Variants in WASL observed in about 807,000 individuals in gnomAD.
WASL encodes WASP like actin nucleation promoting factor, also known as actin nucleation-promoting factor WASL.
A neutral mutation model predicts 55.5 loss-of-function variants in WASL; 20 were observed. That is an observed-to-expected ratio of 0.36 (90% confidence interval 0.25 to 0.52). The LOEUF is 0.52. WASL is among the 20% of genes least tolerant of loss of function. WASL has a pLI of 0.92. For missense variants in WASL, 504 were observed against 622.5 expected (o/e 0.81, Z 2.03); for synonymous variants, 249 against 217.6 (o/e 1.14, Z -1.27).
intron 1 of WASL, among the ~76,000 whole-genome samples, chr7:123,711,061 A>G (rs1803747002): frequency 6.6e-6 from 1 of 152,182 alleles, no homozygotes. Context: ...AGGAAACTAG[A>G]TGTACCAAAA....
intron 9 of WASL, 71 bp downstream of exon 9, chr7:123,692,276 C>G: frequency 6.6e-7 from 1 of 1,520,024 alleles, no homozygotes; most frequent in South Asian, 1.3e-5. Context: ...TCAAAAATAT[C>G]TTTCAATAAA....
At chr7:123,729,015 A>G (rs190562224) in intron 1 of WASL, among the ~76,000 whole-genome samples, 222 of 152,336 alleles carry the variant, frequency 1.5e-3, no homozygotes, top group Non-Finnish European at 2.4e-3. Flanking sequence ...AAAAATGTTA[A>G]TAAGTGTTAT....
chr7:123,684,711 A>G (rs1331099972), intron 10 of WASL, 131 bp from the exon 11 acceptor site: 5 of 831,184 alleles, frequency 6.0e-6, no homozygotes, highest in Non-Finnish European at 8.1e-6. Flanking sequence ...CTAGTTACTA[A>G]AACAGTTTAA....
At chr7:123,690,688 CTT>C (rs993166137) in intron 9 of WASL, among the ~76,000 whole-genome samples, 1 of 133,948 alleles carries the variant, frequency 7.5e-6, no homozygotes, top group African/African-American at 2.7e-5. Flanking sequence ...AAATTTAACT[CTT>C]AAACTTTTTA....
chr7:123,731,820 A>C (rs536710608), intron 1 of WASL, among the ~76,000 whole-genome samples: 2 of 152,328 alleles, frequency 1.3e-5, no homozygotes, highest in South Asian at 4.1e-4. Flanking sequence ...AAAGGATTTA[A>C]AATCAATAAC....
chr7:123,732,142 A>G (rs909103244), intron 1 of WASL, among the ~76,000 whole-genome samples: 7 of 152,270 alleles, frequency 4.6e-5, no homozygotes, highest in Non-Finnish European at 1.0e-4. Flanking sequence ...CCTGGCTAAC[A>G]TGGTGAAACC....
chr7:123,696,799 A>G, intron 5 of WASL, 52 bp from the exon 6 acceptor site: 1 of 1,200,030 alleles, frequency 8.3e-7, no homozygotes, highest in Non-Finnish European at 1.1e-6. Flanking sequence ...GATAACTGAT[A>G]TACAATCATA....
At chr7:123,691,193 A>C (rs572227520) in intron 9 of WASL, among the ~76,000 whole-genome samples, 61 of 152,326 alleles carry the variant, frequency 4.0e-4, no homozygotes, top group African/African-American at 1.3e-3. Context: ...CTATACTGGG[A>C]AATAATTTTC....
intron 1 of WASL, among the ~76,000 whole-genome samples, chr7:123,710,233 C>T (rs933849558): frequency 1.3e-5 from 2 of 151,350 alleles, no homozygotes; most frequent in Admixed American, 6.6e-5. Flanking sequence ...CACTTCTAAA[C>T]TAGAAATTAA....
intron 1 of WASL, among the ~76,000 whole-genome samples, chr7:123,738,605 A>G (rs955624205): frequency 3.3e-5 from 5 of 152,332 alleles, no homozygotes; most frequent in African/African-American, 1.2e-4. Flanking sequence ...CCTTGGAATG[A>G]CAACTAGATT....
chr7:123,718,567 AT>A (rs113577026), intron 1 of WASL, among the ~76,000 whole-genome samples: 6 of 151,430 alleles, frequency 4.0e-5, no homozygotes, highest in Admixed American at 6.6e-5. Context: ...TTCATATAAC[AT>A]TTTTTTTTAA....
At chr7:123,710,620 T>C (rs1345337791) in intron 1 of WASL, among the ~76,000 whole-genome samples, 1 of 152,220 alleles carries the variant, frequency 6.6e-6, no homozygotes, top group Admixed American at 6.5e-5. Context: ...TGTTCAATGT[T>C]ATGTTTTTAA....
intron 9 of WASL, among the ~76,000 whole-genome samples, chr7:123,691,139 C>T (rs934604656): frequency 2.0e-5 from 3 of 152,184 alleles, no homozygotes; most frequent in Non-Finnish European, 4.4e-5. Flanking sequence ...CTATTACCCT[C>T]CTTTTAGACA....
chr7:123,707,206 A>G (rs1432336140), intron 2 of WASL, among the ~76,000 whole-genome samples: 1 of 152,202 alleles, frequency 6.6e-6, no homozygotes, highest in Non-Finnish European at 1.5e-5. Flanking sequence ...ACCAAAGCAC[A>G]GTTCCACCAG....
Position 123,683,468 on chromosome 7 carries a change from A to C in WASL, c.*1051T>G, listed in dbSNP as rs1178293443. 1 of 151,938 alleles carries C rather than the reference A, an allele frequency of 6.6e-6. No individual in the cohort carries two copies. The highest frequency in any genetic ancestry group is 1.9e-4 in the East Asian group (1 of 5,184). The allele number at this position is 151,938 out of a possible 1,614,324, so 9.4% of individuals were successfully genotyped here. A position where few individuals can be genotyped will look rare whatever the true frequency, so the allele number is the denominator to read the frequency against. The stretch of plus-strand genomic sequence containing the variant: ...AGAAAAATGTAACTCTTCACATGCT[A>C]TTTGACAAAAACCCTCAAAAGTTAT... On this transcript the variant is annotated 3_prime_UTR_variant, in exon 11 of 11. Coordinates refer to ENST00000223023, the MANE Select transcript of WASL (RefSeq NM_003941.4).
chr7:123,718,502 C>T (rs1313514266), intron 1 of WASL, among the ~76,000 whole-genome samples: 1 of 152,152 alleles, frequency 6.6e-6, no homozygotes, highest in Admixed American at 6.5e-5. Context: ...TGGGTAATGA[C>T]AATGAGTGTA....
At chr7:123,739,788 T>C (rs1804299042) in intron 1 of WASL, among the ~76,000 whole-genome samples, 2 of 152,122 alleles carry the variant, frequency 1.3e-5, no homozygotes, top group Non-Finnish European at 1.5e-5. Context: ...ATCAATTCTC[T>C]AGGCTATTTA....
chr7:123,748,794 C>T lies in WASL; in HGVS notation c.-60G>A. 1 of 1,381,788 alleles carries T rather than the reference C, an allele frequency of 7.2e-7. No individual in the cohort carries two copies. The highest frequency in any genetic ancestry group is 9.6e-7 in the Non-Finnish European group (1 of 1,036,330). The allele number at this position is 1,381,788 out of a possible 1,614,324, so 85.6% of individuals were successfully genotyped here. On this transcript the variant is annotated 5_prime_UTR_variant, in exon 1 of 11. Transcript: ENST00000223023. ...CTCCTCCGGCGAGTGGGCGAGAGCT[C>T]GTTCCCCCTCTCGGTGACAGGGGCG...
intron 1 of WASL, among the ~76,000 whole-genome samples, chr7:123,736,268 C>T (rs1424138442): frequency 5.3e-5 from 8 of 151,468 alleles, no homozygotes; most frequent in African/African-American, 1.9e-4. Context: ...TTACAAGAAA[C>T]ATTTTAAAAG....
Sources: allele counts gnomAD v4.1 joint callset (sites outside exome capture counted in the v4.1 genomes callset), GRCh38; gene constraint gnomAD v4.1.1; transcripts MANE v1.5; gene names NCBI Gene and HGNC (gene_info 2026-07-23, HGNC 2026-07-21).